GRIK5: variants seen among roughly 807,000 people sequenced by gnomAD.
The protein encoded by GRIK5 is glutamate receptor ionotropic, kainate 5.
GRIK5 carries 43 observed loss-of-function variants against 97.4 expected under a neutral mutation model. The observed-to-expected ratio is 0.44, with a 90% confidence interval of 0.35 to 0.57. The LOEUF (loss-of-function observed/expected upper bound fraction) is 0.57, where lower values mean the gene tolerates loss of function less well. GRIK5 is among the 20% of genes least tolerant of loss of function. The pLI, the probability that GRIK5 is intolerant of heterozygous loss-of-function variation, is 0.01. For synonymous variants in GRIK5, 580 were observed against 583.5 expected, an observed-to-expected ratio of 0.99 and a Z score of 0.09; for missense variants, 1,015 against 1,382.0, an observed-to-expected ratio of 0.73 and a Z score of 4.21.
At chr19:42,038,452 C>T (rs1186090176) in intron 12 of GRIK5, among the ~76,000 whole-genome samples, 1 of 152,254 alleles carries the variant, frequency 6.6e-6, no homozygotes, top group Non-Finnish European at 1.5e-5. Context: ...TGGGCCTGGA[C>T]ATGAAACCTT....
At chr19:42,068,116 C>T (rs543365533) in intron 1 of GRIK5, among the ~76,000 whole-genome samples, 2 of 151,952 alleles carry the variant, frequency 1.3e-5, no homozygotes, top group East Asian at 1.9e-4. Context: ...CGGAGCTGCA[C>T]GACAGGCCCA....
chr19:42,030,778 G>C (rs2075832588), intron 12 of GRIK5, among the ~76,000 whole-genome samples: 1 of 152,048 alleles, frequency 6.6e-6, no homozygotes, highest in African/African-American at 2.4e-5. Context: ...GCGCTGTTTT[G>C]TATCCAGACT....
intron 1 of GRIK5, chr19:42,068,989 C>T (rs2076383701): frequency 7.2e-6 from 4 of 556,088 alleles, no homozygotes; most frequent in Non-Finnish European, 1.3e-5. Flanking sequence ...TAAGAGCAAT[C>T]AGCCCCGTAG....
At chr19:42,007,905 A>G (rs2075512799) in intron 15 of GRIK5, among the ~76,000 whole-genome samples, 1 of 152,240 alleles carries the variant, frequency 6.6e-6, no homozygotes, top group African/African-American at 2.4e-5. Context: ...AAGCTGCACT[A>G]AAAAAGCTTA....
intron 12 of GRIK5, among the ~76,000 whole-genome samples, chr19:42,037,792 T>G (rs1377411906): frequency 2.0e-5 from 3 of 151,970 alleles, no homozygotes; most frequent in Admixed American, 2.0e-4. Context: ...CCACGTCCAG[T>G]GACATATCAG....
At chr19:42,014,647 G>C (rs987269471) in intron 15 of GRIK5, among the ~76,000 whole-genome samples, 1 of 151,020 alleles carries the variant, frequency 6.6e-6, no homozygotes, top group South Asian at 2.1e-4. Context: ...GCTGGGTGTG[G>C]TGGCATGAAC....
rs1300940769 is a variant in GRIK5 at position 41,999,912 on chromosome 19, C to A, written c.2515-613G>T. 1.3e-5 allele frequency among the ~76,000 whole-genome samples: 2 copies of A among 152,166 alleles called. No individual in the cohort carries two copies. The highest frequency in any genetic ancestry group is 1.5e-5 in the Non-Finnish European group (1 of 68,026). On this transcript the variant is annotated intron_variant, in intron 19 of 19. Coordinates refer to ENST00000593562, the MANE Select transcript of GRIK5 (RefSeq NM_002088.5). This position sits in a 1 kb window ranked among gnomAD's most constrained non-coding sequence, Gnocchi z 5.0. Reference sequence around the variant, plus strand: ...TCTGAGACAGGACAGTCAAGGAAGACCTCACTGAGAGAAGGATCCTTAAAT... The same window carrying A: ...TCTGAGACAGGACAGTCAAGGAAGAACTCACTGAGAGAAGGATCCTTAAAT...
intron 15 of GRIK5, among the ~76,000 whole-genome samples, chr19:42,019,852 C>T (rs1157315578): frequency 6.6e-6 from 1 of 152,180 alleles, no homozygotes; most frequent in African/African-American, 2.4e-5. Flanking sequence ...TGATTTTACG[C>T]CATTGAGATC....
At chr19:42,007,805 T>C (rs2075511342) in intron 15 of GRIK5, among the ~76,000 whole-genome samples, 1 of 152,084 alleles carries the variant, frequency 6.6e-6, no homozygotes, top group African/African-American at 2.4e-5. Context: ...TAGAAAGATT[T>C]CATTGAATAC....
chr19:42,003,305 G>GGGCCC lies in GRIK5; in HGVS notation c.2514+26_2514+27insGGGCC. The GGGCCC allele has an allele frequency of 1.9e-5, 29 of 1,540,682 alleles. No homozygotes were observed. The highest frequency in any genetic ancestry group is 2.3e-5 in the Non-Finnish European group (26 of 1,118,146). ...TCAGCCCCTGGGGGTCCCTGTTCCT[G>GGGCCC]CCCACCCCCACCCCCAGCCTCCTCA... On this transcript the variant is annotated intron_variant, in intron 19 of 19. Coordinates refer to ENST00000593562, the MANE Select transcript of GRIK5 (RefSeq NM_002088.5). This position sits in a 1 kb window ranked among gnomAD's most constrained non-coding sequence, Gnocchi z 4.2.
chr19:42,068,949 C>T (rs1425008470), intron 1 of GRIK5: 3 of 622,804 alleles, frequency 4.8e-6, no homozygotes, highest in Admixed American at 5.1e-5. Flanking sequence ...CACGGACATG[C>T]CAGGGGCCCG....
intron 11 of GRIK5, among the ~76,000 whole-genome samples, chr19:42,049,606 G>T (rs996501328): frequency 6.6e-6 from 1 of 152,190 alleles, no homozygotes; most frequent in African/African-American, 2.4e-5. Flanking sequence ...TGAGATGGGG[G>T]TTAGCCTTGG....
chr19:42,017,412 T>C (rs1478116621), intron 15 of GRIK5, among the ~76,000 whole-genome samples: 2 of 152,242 alleles, frequency 1.3e-5, no homozygotes, highest in African/African-American at 4.8e-5. Context: ...ATTGATTTTT[T>C]ACAAATTATG....
At chr19:42,047,302 G>A (rs1304398863) in intron 11 of GRIK5, among the ~76,000 whole-genome samples, 1 of 151,988 alleles carries the variant, frequency 6.6e-6, no homozygotes, top group Non-Finnish European at 1.5e-5. Flanking sequence ...CACTTTAAGA[G>A]GCCAAGGAGG....
chr19:42,003,537 C>T lies in GRIK5; in HGVS notation c.2392+18G>A, dbSNP rs782416087. On this transcript the variant is annotated intron_variant, in intron 18 of 19. Coordinates refer to ENST00000593562, the MANE Select transcript of GRIK5 (RefSeq NM_002088.5). The surrounding 1 kb of genome is among the most constrained non-coding windows in gnomAD (Gnocchi z 4.2). ...GGGAGGGGGCTATGGGAAGGGGACA[C>T]CATACGCGGGAACTGACCTTTAGCT... 1 of 1,607,512 alleles carries T rather than the reference C, an allele frequency of 6.2e-7. No individual in the cohort carries two copies. The highest frequency in any genetic ancestry group is 2.2e-5 in the East Asian group (1 of 44,780).
rs1283950429 is a variant in GRIK5 at position 42,062,438 on chromosome 19, G to A, written c.508+50C>T. On this transcript the variant is annotated intron_variant, in intron 5 of 19. Transcript: ENST00000593562. This position sits in a 1 kb window ranked among gnomAD's most constrained non-coding sequence, Gnocchi z 5.3. ...ACTGTGTGGGACACCAGATCTCTTG[G>A]GAAGGGGTGTCTGGGGGAACAGAAA... is the stretch of plus-strand genomic sequence containing the variant. 9 of 1,591,594 alleles carry A rather than the reference G, an allele frequency of 5.7e-6. No homozygotes were observed. The highest frequency in any genetic ancestry group is 7.7e-6 in the Non-Finnish European group (9 of 1,164,328).
chr19:42,003,513 G>A lies in GRIK5; in HGVS notation c.2392+42C>T. 6.2e-7 allele frequency: 1 copy of A among 1,605,158 alleles called. No homozygotes were observed. Among genetic ancestry groups the A allele is most frequent in the Non-Finnish European group, 8.5e-7 (1 of 1,173,512 alleles). On this transcript the variant is annotated intron_variant, in intron 18 of 19. Coordinates refer to ENST00000593562, the MANE Select transcript of GRIK5 (RefSeq NM_002088.5). The surrounding 1 kb of genome is among the most constrained non-coding windows in gnomAD (Gnocchi z 4.2). Reference sequence around the variant, plus strand: ...TTGGGGCTGTGTGGGAAGGGGGCTGGGAGGGGGCTATGGGAAGGGGACACC... The same window carrying A: ...TTGGGGCTGTGTGGGAAGGGGGCTGAGAGGGGGCTATGGGAAGGGGACACC...
chr19:42,040,508 C>T (rs1362580673), intron 12 of GRIK5, among the ~76,000 whole-genome samples: 1 of 152,208 alleles, frequency 6.6e-6, no homozygotes, highest in Non-Finnish European at 1.5e-5. Context: ...GAGCTGTCAG[C>T]TCTGGGGCTT....
At chr19:42,008,043 T>C (rs1334922750) in intron 15 of GRIK5, among the ~76,000 whole-genome samples, 3 of 152,110 alleles carry the variant, frequency 2.0e-5, no homozygotes, top group African/African-American at 7.2e-5. Context: ...ATTTTTTTTT[T>C]TTTCTTGAGA....
Sources: gnomAD v4.1 joint callset for allele counts (sites outside exome capture counted in the v4.1 genomes callset) on GRCh38, gnomAD v4.1.1 for gene constraint, Gnocchi (gnomAD v3.1) non-coding constraint, MANE v1.5 for transcripts, NCBI Gene and HGNC (gene_info 2026-07-23, HGNC 2026-07-21) for gene names.